TECRL: variants seen among roughly 807,000 people sequenced by gnomAD.
TECRL encodes the protein trans-2,3-enoyl-CoA reductase-like.
A neutral mutation model predicts 52.8 loss-of-function variants in TECRL; 63 were observed. The ratio of observed to expected loss-of-function variants is 1.19; its 90% CI spans 0.97 to 1.47. The LOEUF (loss-of-function observed/expected upper bound fraction) is 1.47. Ranked by LOEUF, TECRL falls within the 40% of genes most tolerant of loss-of-function variation. The probability of loss-of-function intolerance (pLI) is 0.00; values close to 1 mark genes in which losing one functional copy is unlikely to be tolerated. For missense variants in TECRL, 482 were observed against 429.6 expected (o/e 1.12, Z -1.08); for synonymous variants, 164 against 141.9 (o/e 1.16, Z -1.10).
intron 8 of TECRL, among the ~76,000 whole-genome samples, chr4:64,295,273 T>A (rs1335262054): frequency 6.6e-6 from 1 of 151,362 alleles, no homozygotes; most frequent in African/African-American, 2.4e-5. Flanking sequence ...ATTTATATTA[T>A]TACATAATGT....
At chr4:64,329,521 T>C (rs1284923531) in intron 2 of TECRL, among the ~76,000 whole-genome samples, 1 of 151,868 alleles carries the variant, frequency 6.6e-6, no homozygotes, top group Non-Finnish European at 1.5e-5. Context: ...ATGTGGGTAA[T>C]TTTAAGAATA....
At chr4:64,373,620 A>G (rs1485512145) in intron 2 of TECRL, among the ~76,000 whole-genome samples, 1 of 151,674 alleles carries the variant, frequency 6.6e-6, no homozygotes, top group Non-Finnish European at 1.5e-5. Flanking sequence ...CTCGACTTTG[A>G]TTCATGTACC....
intron 1 of TECRL, among the ~76,000 whole-genome samples, chr4:64,399,085 G>T (rs755417458): frequency 6.6e-6 from 1 of 152,104 alleles, no homozygotes; most frequent in Non-Finnish European, 1.5e-5. Context: ...GAAGCAGCCT[G>T]TAGACATGGT....
chr4:64,343,705 A>C (rs1719745037), intron 2 of TECRL, among the ~76,000 whole-genome samples: 1 of 152,108 alleles, frequency 6.6e-6, no homozygotes. Context: ...TTATGGGGAA[A>C]ATACTTTCTT....
chr4:64,345,063 G>T (rs1719852154), intron 2 of TECRL, among the ~76,000 whole-genome samples: 1 of 152,204 alleles, frequency 6.6e-6, no homozygotes, highest in Non-Finnish European at 1.5e-5. Flanking sequence ...AACAACAAGT[G>T]CTGGAGAGGA....
intron 4 of TECRL, among the ~76,000 whole-genome samples, chr4:64,317,362 C>T (rs1276788532): frequency 6.6e-6 from 1 of 151,672 alleles, no homozygotes; most frequent in Non-Finnish European, 1.5e-5. Context: ...TTGGTGAGAG[C>T]CCATGTGCTT....
intron 2 of TECRL, among the ~76,000 whole-genome samples, chr4:64,339,808 A>T (rs1479571015): frequency 6.6e-6 from 1 of 152,110 alleles, no homozygotes; most frequent in East Asian, 1.9e-4. Flanking sequence ...ATTTACACTA[A>T]TAATTCTCTC....
intron 2 of TECRL, among the ~76,000 whole-genome samples, chr4:64,350,524 A>T (rs1275912228): frequency 6.6e-6 from 1 of 152,146 alleles, no homozygotes; most frequent in Non-Finnish European, 1.5e-5. Flanking sequence ...ATTATATTTT[A>T]TTCTTGGCAA....
At chr4:64,357,860 T>C (rs896602814) in intron 2 of TECRL, among the ~76,000 whole-genome samples, 2 of 151,830 alleles carry the variant, frequency 1.3e-5, no homozygotes, top group East Asian at 1.9e-4. Context: ...ATCTGTTACA[T>C]GTATATTAAT....
chr4:64,403,679 A>T (rs1450458862), intron 1 of TECRL, among the ~76,000 whole-genome samples: 1 of 152,010 alleles, frequency 6.6e-6, no homozygotes, highest in Non-Finnish European at 1.5e-5. Flanking sequence ...ACACTCTCAG[A>T]TTTATACTAA....
chr4:64,350,848 A>G (rs1215646500), intron 2 of TECRL, among the ~76,000 whole-genome samples: 1 of 151,708 alleles, frequency 6.6e-6, no homozygotes, highest in Non-Finnish European at 1.5e-5. Context: ...ACTCCAACTA[A>G]TTTAATAAAT....
chr4:64,367,276 T>G (rs897260486), intron 2 of TECRL, among the ~76,000 whole-genome samples: 1 of 152,018 alleles, frequency 6.6e-6, no homozygotes, highest in African/African-American at 2.4e-5. Context: ...GAAAACTACC[T>G]ATTCGTTACT....
intron 5 of TECRL, among the ~76,000 whole-genome samples, chr4:64,312,897 C>T (rs1256069950): frequency 6.6e-6 from 1 of 152,156 alleles, no homozygotes; most frequent in Non-Finnish European, 1.5e-5. Flanking sequence ...TTTAGGTTCT[C>T]CTTCCAATCT....
intron 2 of TECRL, 35 bp downstream of exon 2, chr4:64,375,137 T>C: frequency 3.7e-6 from 4 of 1,074,868 alleles, no homozygotes; most frequent in Non-Finnish European, 3.9e-6. Flanking sequence ...AATAAAACAT[T>C]ATGATGTAAA....
At chr4:64,314,056 A>G (rs1254016950) in intron 5 of TECRL, among the ~76,000 whole-genome samples, 1 of 149,996 alleles carries the variant, frequency 6.7e-6, no homozygotes, top group Non-Finnish European at 1.5e-5. Flanking sequence ...AGGCTGAGGC[A>G]GGAGAATAGT....
intron 2 of TECRL, among the ~76,000 whole-genome samples, chr4:64,373,947 T>C (rs1295993039): frequency 6.8e-6 from 1 of 146,416 alleles, no homozygotes; most frequent in African/African-American, 2.5e-5. Flanking sequence ...ATATATACTA[T>C]ACATACACAC....
At chr4:64,384,027 G>T in intron 1 of TECRL, among the ~76,000 whole-genome samples, 1 of 152,046 alleles carries the variant, frequency 6.6e-6, no homozygotes, top group East Asian at 1.9e-4. Context: ...GTACTCAGAG[G>T]CTTAGGCTGC....
At position 64,309,848 on chromosome 4, in the gene TECRL, G is replaced by A; in HGVS notation, c.635C>T (p.Thr212Ile). The A allele has an allele frequency of 6.2e-7, 1 of 1,609,242 alleles. No homozygotes were observed. Among genetic ancestry groups the A allele is most frequent in the East Asian group, 2.2e-5 (1 of 44,724 alleles). Reference sequence around the variant, plus strand: ...CACCATTATCAAATTTTTCAAAGGTGTGTGTCCTGCAGAAACTTTGTGAAC... The same window carrying A: ...CACCATTATCAAATTTTTCAAAGGTATGTGTCCTGCAGAAACTTTGTGAAC... ...LFVHKVSAGH[T>I]PLKNLIMSCA... Residue 212 changes from threonine (T) to isoleucine (I), a missense_variant, in exon 6 of 12, where the codon ACA (threonine) becomes ATA (isoleucine). By Grantham distance (89) the Thr-to-Ile change is moderately conservative (BLOSUM62 -1). Transcript: ENST00000381210.
intron 1 of TECRL, among the ~76,000 whole-genome samples, chr4:64,390,837 A>T (rs1042643380): frequency 6.6e-6 from 1 of 151,850 alleles, no homozygotes; most frequent in African/African-American, 2.4e-5. Context: ...TATTTTTCCT[A>T]CTTAAAGATT....
Sources: gnomAD v4.1 joint callset for allele counts (sites outside exome capture counted in the v4.1 genomes callset) on GRCh38, gnomAD v4.1.1 for gene constraint, MANE v1.5 for transcripts, NCBI Gene and HGNC (gene_info 2026-07-23, HGNC 2026-07-21) for gene names.